ZBTB17: variants seen among roughly 807,000 people sequenced by gnomAD.
The protein encoded by ZBTB17 is zinc finger and BTB domain-containing protein 17.
ZBTB17 carries 24 observed loss-of-function variants against 85.1 expected under a neutral mutation model. The observed-to-expected ratio is 0.28, with a 90% CI of 0.20 to 0.40. ZBTB17 has a LOEUF of 0.40. Among genes scored for constraint, ZBTB17 ranks in the 10% least tolerant of loss-of-function variants. The pLI, the probability that ZBTB17 is intolerant of heterozygous loss-of-function variation, is 1.00. For synonymous variants in ZBTB17, 464 were observed against 460.2 expected, an observed-to-expected ratio of 1.01 and a Z score of -0.11; for missense variants, 743 against 1,105.1, an observed-to-expected ratio of 0.67 and a Z score of 4.65.
At chr1:15,955,724 A>C (rs777348424) in intron 2 of ZBTB17, among the ~76,000 whole-genome samples, 2 of 152,188 alleles carry the variant, frequency 1.3e-5, no homozygotes, top group Non-Finnish European at 2.9e-5. Flanking sequence ...CCAAGGCTGG[A>C]GGATCACTTT....
In ZBTB17 at chr1:15,971,457, C is replaced by CTA. The variant is rs66739372; in HGVS notation, c.-3+1580_-3+1581dup. On this transcript the variant is annotated intron_variant, in intron 2 of 15. Transcript: ENST00000375743. ...CACACACTATATATATACACACACA[C>CTA]TATATATACACACACACTATATATA... Among the ~76,000 whole-genome samples, 745 of 97,068 alleles carry CTA rather than the reference C, an allele frequency of 7.7e-3. 29 individuals are homozygous for CTA. Among genetic ancestry groups the CTA allele is most frequent in the African/African-American group, 0.021 (557 of 26,098 alleles). 63.7% of individuals were successfully genotyped at this position (97,068 alleles called of 152,430 possible).
intron 2 of ZBTB17, among the ~76,000 whole-genome samples, chr1:15,965,487 T>C (rs2072410304): frequency 6.6e-6 from 1 of 152,214 alleles, no homozygotes; most frequent in African/African-American, 2.4e-5. Context: ...GCAAACGGAA[T>C]TGTTGAAGGG....
chr1:15,957,672 C>G (rs2072100305), intron 2 of ZBTB17, among the ~76,000 whole-genome samples: 1 of 152,108 alleles, frequency 6.6e-6, no homozygotes, highest in African/African-American at 2.4e-5. Context: ...AGTTAGGCTA[C>G]TACAGTAGAG....
rs907543909 is a variant in ZBTB17, at chr1:15,973,343, T to C, written c.-89-218A>G. ...GCACAGACTCAGCCTCAGGCCCTGC[T>C]CTCAAGAACTCCAGCTCAATAAGAG... is the stretch of plus-strand genomic sequence containing the variant. On this transcript the variant is annotated intron_variant, in intron 1 of 15. Transcript: ENST00000375743. This position sits in a 1 kb window ranked among gnomAD's most constrained non-coding sequence, Gnocchi z 4.1. Among the ~76,000 whole-genome samples, 1 of 152,080 alleles carries C rather than the reference T, an allele frequency of 6.6e-6. No homozygotes were observed. The highest frequency in any genetic ancestry group is 2.4e-5 in the African/African-American group (1 of 41,406).
At chr1:15,957,692 C>T (rs1016530372) in intron 2 of ZBTB17, among the ~76,000 whole-genome samples, 2 of 152,098 alleles carry the variant, frequency 1.3e-5, no homozygotes, top group Non-Finnish European at 2.9e-5. Context: ...GAAGAGACAG[C>T]AGTGGCCTCA....
intron 9 of ZBTB17, 107 bp from the exon 10 acceptor site, chr1:15,944,002 C>T: frequency 8.6e-7 from 1 of 1,164,256 alleles, no homozygotes; most frequent in African/African-American, 1.5e-5. Flanking sequence ...TTGCCAGGGT[C>T]CGTGAAGGGC....
At chr1:15,947,152 C>T in intron 3 of ZBTB17, 29 bp from the exon 4 acceptor site, 2 of 1,585,790 alleles carry the variant, frequency 1.3e-6, no homozygotes, top group Non-Finnish European at 1.7e-6. Context: ...CTGTCACAGA[C>T]CCACCTCAAG....
At chr1:15,945,272 A>G (rs2071550475) in intron 6 of ZBTB17, 70 bp from the exon 7 acceptor site, 3 of 1,521,440 alleles carry the variant, frequency 2.0e-6, no homozygotes, top group Non-Finnish European at 1.8e-6. Context: ...GGCGCCGGCA[A>G]CATGTGGAAG....
rs1266705068 is a variant in ZBTB17 at position 15,951,444 on chromosome 1, G to A, written c.-2-2947C>T. 6.6e-6 allele frequency among the ~76,000 whole-genome samples: 1 copy of A among 152,192 alleles called. No individual in the cohort carries two copies. Among genetic ancestry groups the A allele is most frequent in the South Asian group, 2.1e-4 (1 of 4,824 alleles). ...CAAGAGCAGCTCGAGGGGGCCAGGA[G>A]GGGGCGGACTAAGTGCTAAATGGTG... On this transcript the variant is annotated intron_variant, in intron 2 of 15. Transcript: ENST00000375743. This position sits in a 1 kb window ranked among gnomAD's most constrained non-coding sequence, Gnocchi z 4.1.
At position 15,944,441 on chromosome 1, in the gene ZBTB17, C is replaced by T; in HGVS notation, c.1230G>A (p.Leu410=). 1 of 1,574,568 alleles carries T rather than the reference C, an allele frequency of 6.4e-7. No homozygotes were observed. Among genetic ancestry groups the T allele is most frequent in the South Asian group, 1.2e-5 (1 of 86,356 alleles). ...TTSGNLKRHQ[L]VHSGEKPYQC... is the part of the protein sequence containing the mutation. ...GGTAGGGCTTCTCGCCGCTGTGCAC[C>T]AGCTGGTGGCGCTTGAGGTTGCCCG... The change falls in exon 9 of 16, where the codon CTG becomes CTA. Residue 410 remains leucine, a synonymous_variant. Transcript: ENST00000375743.
rs963324804 is a variant in ZBTB17 at position 15,964,781 on chromosome 1, GT to G, written c.-3+8257del. Among the ~76,000 whole-genome samples the G allele has an allele frequency of 2.6e-5, 4 of 152,024 alleles. No individual in the cohort carries two copies. The highest frequency in any genetic ancestry group is 9.7e-5 in the African/African-American group (4 of 41,390). ...GGATTTACTAGACACCAGTTCACCAGTTTTCTAAAATGATGTATTTTACAAG... is the reference window on the plus strand; with the variant it reads ...GGATTTACTAGACACCAGTTCACCAGTTTCTAAAATGATGTATTTTACAAG... On this transcript the variant is annotated intron_variant, in intron 2 of 15. Coordinates refer to ENST00000375743, the MANE Select transcript of ZBTB17 (RefSeq NM_003443.3). This position sits in a 1 kb window ranked among gnomAD's most constrained non-coding sequence, Gnocchi z 4.3.
rs1226398066 is a variant in ZBTB17, at chr1:15,946,162, G to A, written c.527C>T (p.Ala176Val). ...KEERGGQAQS[A>V]ASGAEQTEKA... ...CTTGGCATCTGACTCACCGCTGGCC[G>A]CACTCTGGGCCTGACCGCCGCGCTC... The change falls in exon 5 of 16, where the codon GCG (alanine) becomes GTG (valine). Residue 176 changes from alanine to valine, a missense_variant. Physicochemically the swap from Ala to Val is moderately conservative, Grantham distance 64 (BLOSUM62 0). Transcript: ENST00000375743. 6 of 1,607,036 alleles carry A rather than the reference G, an allele frequency of 3.7e-6. No homozygotes were observed. Among genetic ancestry groups the A allele is most frequent in the Middle Eastern group, 1.6e-4 (1 of 6,084 alleles).
chr1:15,973,971 T>A lies in ZBTB17; in HGVS notation c.-89-846A>T, dbSNP rs533388328. 6.6e-6 allele frequency among the ~76,000 whole-genome samples: 1 copy of A among 151,920 alleles called. No individual in the cohort carries two copies. The highest frequency in any genetic ancestry group is 6.6e-5 in the Admixed American group (1 of 15,254). On this transcript the variant is annotated intron_variant, in intron 1 of 15. Transcript: ENST00000375743. This position sits in a 1 kb window ranked among gnomAD's most constrained non-coding sequence, Gnocchi z 4.1. The stretch of plus-strand genomic sequence containing the variant: ...TTGGGAGGCTGAGGCGGGAGGATCA[T>A]TTGAGGCCAAGAGTTCGAGACCAGT...
intron 2 of ZBTB17, among the ~76,000 whole-genome samples, chr1:15,949,401 C>G (rs1454043203): frequency 6.6e-6 from 1 of 152,200 alleles, no homozygotes; most frequent in Non-Finnish European, 1.5e-5. Flanking sequence ...GGAAAATAAG[C>G]GGGCCCTCTT....
intron 2 of ZBTB17, among the ~76,000 whole-genome samples, chr1:15,965,553 G>A (rs767671233): frequency 6.6e-6 from 1 of 152,182 alleles, no homozygotes; most frequent in Non-Finnish European, 1.5e-5. Flanking sequence ...AGTTGAAGAC[G>A]CACATACCCT....
rs908995912 is a variant in ZBTB17 at position 15,956,951 on chromosome 1, C to T, written c.-2-8454G>A. Among the ~76,000 whole-genome samples the T allele has an allele frequency of 7.2e-5, 11 of 152,122 alleles. No homozygotes were observed. The South Asian group carries it at 8.3e-4, about 11-fold the overall frequency. On this transcript the variant is annotated intron_variant, in intron 2 of 15. Coordinates refer to ENST00000375743, the MANE Select transcript of ZBTB17 (RefSeq NM_003443.3). Reference sequence around the variant, plus strand: ...ATCCCAGCACTTTGGGACGCTGAGGCGGGTGGATCACGAGGTCAGGAGTTC... The same window carrying T: ...ATCCCAGCACTTTGGGACGCTGAGGTGGGTGGATCACGAGGTCAGGAGTTC...
chr1:15,963,496 G>A (rs993765706), intron 2 of ZBTB17, among the ~76,000 whole-genome samples: 3 of 152,182 alleles, frequency 2.0e-5, no homozygotes, highest in African/African-American at 7.2e-5. Flanking sequence ...GGGCAAGCTT[G>A]AGCCCCACCC....
intron 2 of ZBTB17, among the ~76,000 whole-genome samples, chr1:15,954,704 A>T (rs1489601815): frequency 6.6e-6 from 1 of 152,128 alleles, no homozygotes; most frequent in Non-Finnish European, 1.5e-5. Context: ...TTTTAAAATT[A>T]CCTGAGTGTG....
chr1:15,949,963 C>T (rs78442776), intron 2 of ZBTB17, among the ~76,000 whole-genome samples: 9,762 of 152,308 alleles, frequency 0.064, 364 homozygotes, highest in South Asian at 0.15. Flanking sequence ...ACAAGTTCAG[C>T]GTTGCTGCTG....
Sources: allele counts gnomAD v4.1 joint callset (sites outside exome capture counted in the v4.1 genomes callset), GRCh38; gene constraint gnomAD v4.1.1; non-coding constraint Gnocchi (gnomAD v3.1); transcripts MANE v1.5; gene names NCBI Gene and HGNC (gene_info 2026-07-23, HGNC 2026-07-21).